MAP2K5: variants seen among roughly 807,000 people sequenced by gnomAD.
MAP2K5 encodes the protein dual specificity mitogen-activated protein kinase kinase 5.
A neutral mutation model predicts 83.1 loss-of-function variants in MAP2K5; 49 were observed. That is an observed-to-expected ratio of 0.59 (90% CI 0.47 to 0.75). The LOEUF (loss-of-function observed/expected upper bound fraction) is 0.75. Among genes scored for constraint, MAP2K5 ranks in the 30% least tolerant of loss-of-function variants. MAP2K5 has a pLI of 0.00. For missense variants in MAP2K5, 457 were observed against 557.5 expected (o/e 0.82, Z 1.82); for synonymous variants, 202 against 191.8 (o/e 1.05, Z -0.44).
intron 17 of MAP2K5, among the ~76,000 whole-genome samples, chr15:67,739,434 A>ATT: frequency 1.3e-4 from 1 of 7,778 alleles, no homozygotes; most frequent in Non-Finnish European, 2.1e-4. Context: ...ATATATATAT[A>ATT]TATATATATA....
chr15:67,725,025 A>G (rs368708063), intron 16 of MAP2K5, among the ~76,000 whole-genome samples: 62 of 152,208 alleles, frequency 4.1e-4, no homozygotes, highest in African/African-American at 1.3e-3. Flanking sequence ...ACATAGTTAA[A>G]AGGTAGGACT....
intron 2 of MAP2K5, among the ~76,000 whole-genome samples, chr15:67,553,590 A>C (rs939671588): frequency 1.3e-5 from 2 of 152,214 alleles, no homozygotes; most frequent in African/African-American, 4.8e-5. Flanking sequence ...TGAACCAGAA[A>C]TCCGAACCAA....
chr15:67,649,154 T>TTA (rs1348221774), intron 11 of MAP2K5, among the ~76,000 whole-genome samples: 1 of 152,228 alleles, frequency 6.6e-6, no homozygotes, highest in East Asian at 1.9e-4. Context: ...GTTGAGCATC[T>TTA]TTTCATGTGC....
At chr15:67,576,406 A>G (rs1567283962) in intron 3 of MAP2K5, among the ~76,000 whole-genome samples, 1 of 148,094 alleles carries the variant, frequency 6.8e-6, no homozygotes. Flanking sequence ...CAAACAAAAC[A>G]AAGCAAAAAA....
chr15:67,685,393 G>A (rs1007701557), intron 13 of MAP2K5, among the ~76,000 whole-genome samples: 1 of 152,052 alleles, frequency 6.6e-6, no homozygotes, highest in Non-Finnish European at 1.5e-5. Flanking sequence ...GACTTTTTCA[G>A]ATGAATATGA....
At chr15:67,590,647 C>T (rs2085387583) in intron 6 of MAP2K5, among the ~76,000 whole-genome samples, 1 of 151,860 alleles carries the variant, frequency 6.6e-6, no homozygotes. Context: ...GAGATGGGGC[C>T]CTACTATGTT....
At chr15:67,737,206 G>A (rs2089360747) in intron 17 of MAP2K5, among the ~76,000 whole-genome samples, 1 of 152,202 alleles carries the variant, frequency 6.6e-6, no homozygotes, top group South Asian at 2.1e-4. Flanking sequence ...CTCTGTGCCT[G>A]CCAGGTAATT....
intron 11 of MAP2K5, among the ~76,000 whole-genome samples, chr15:67,648,574 GTTCT>G (rs1030191708): frequency 5.1e-5 from 3 of 58,920 alleles, no homozygotes; most frequent in African/African-American, 2.2e-4. Context: ...TACGTTTTCA[GTTCT>G]TTTTTTTTTT....
At chr15:67,798,288 C>A (rs1033842636) in intron 21 of MAP2K5, among the ~76,000 whole-genome samples, 12 of 152,232 alleles carry the variant, frequency 7.9e-5, no homozygotes, top group Non-Finnish European at 1.3e-4. Flanking sequence ...CCAGCATATC[C>A]CCCACTGTAC....
At chr15:67,687,570 A>C (rs1596795835) in intron 13 of MAP2K5, among the ~76,000 whole-genome samples, 1 of 152,168 alleles carries the variant, frequency 6.6e-6, no homozygotes, top group Admixed American at 6.5e-5. Context: ...TATCTGGCAC[A>C]TGGTAAGGTG....
chr15:67,584,455 C>G (rs573950485), intron 4 of MAP2K5, among the ~76,000 whole-genome samples: 4 of 152,114 alleles, frequency 2.6e-5, no homozygotes, highest in Non-Finnish European at 5.9e-5. Context: ...GACCAGACGT[C>G]AAATGCATGT....
intron 7 of MAP2K5, among the ~76,000 whole-genome samples, chr15:67,597,299 G>A (rs1388273498): frequency 6.6e-6 from 1 of 151,774 alleles, no homozygotes; most frequent in Non-Finnish European, 1.5e-5. Flanking sequence ...AACTAACATC[G>A]TAGCTAATGA....
intron 9 of MAP2K5, among the ~76,000 whole-genome samples, 156 bp downstream of exon 9, chr15:67,631,083 C>T (rs540157355): frequency 6.6e-6 from 1 of 152,276 alleles, no homozygotes; most frequent in Non-Finnish European, 1.5e-5. Flanking sequence ...CATTCAGACA[C>T]CTGAAGATCT....
intron 16 of MAP2K5, among the ~76,000 whole-genome samples, chr15:67,714,551 C>T (rs1266547219): frequency 2.0e-5 from 3 of 150,846 alleles, no homozygotes; most frequent in Admixed American, 6.6e-5. Flanking sequence ...CGAGGGGTGA[C>T]GGATGGCTCT....
rs927091821 is a variant in MAP2K5, at chr15:67,652,427, A to T, written c.736+5958A>T. On this transcript the variant is annotated intron_variant, in intron 11 of 21. Transcript: ENST00000178640. The surrounding 1 kb of genome is among the most constrained non-coding windows in gnomAD (Gnocchi z 4.2). ...ACCTGTTTCTGGTCTGGGTCTCAGG[A>T]AGCTTCCATTCGTGGAGCAAGAGAG... Among the ~76,000 whole-genome samples, 15 of 152,172 alleles carry T rather than the reference A, an allele frequency of 9.9e-5. No homozygotes were observed. The highest frequency in any genetic ancestry group is 1.6e-4 in the Non-Finnish European group (11 of 68,036).
At chr15:67,599,012 T>A (rs144255324) in intron 7 of MAP2K5, among the ~76,000 whole-genome samples, 97 of 152,356 alleles carry the variant, frequency 6.4e-4, no homozygotes, top group African/African-American at 2.2e-3. Flanking sequence ...CAATGGATAC[T>A]GCTATTTACG....
intron 16 of MAP2K5, among the ~76,000 whole-genome samples, chr15:67,707,168 G>C (rs2088576027): frequency 6.6e-6 from 1 of 152,202 alleles, no homozygotes; most frequent in African/African-American, 2.4e-5. Context: ...GCCCGTCTTG[G>C]CCTCCCAAAG....
chr15:67,695,430 T>C (rs1444158299), intron 15 of MAP2K5, among the ~76,000 whole-genome samples: 1 of 152,198 alleles, frequency 6.6e-6, no homozygotes, highest in Non-Finnish European at 1.5e-5. Context: ...CTTTCTTGTA[T>C]AATAATAGGA....
chr15:67,789,746 TTA>T (rs2090482615), intron 21 of MAP2K5, among the ~76,000 whole-genome samples: 1 of 152,200 alleles, frequency 6.6e-6, no homozygotes, highest in South Asian at 2.1e-4. Flanking sequence ...TCATTTTAAT[TTA>T]TGTTTATTTT....
Sources: allele counts gnomAD v4.1 joint callset (sites outside exome capture counted in the v4.1 genomes callset), GRCh38; gene constraint gnomAD v4.1.1; non-coding constraint Gnocchi (gnomAD v3.1); transcripts MANE v1.5; gene names NCBI Gene and HGNC (gene_info 2026-07-23, HGNC 2026-07-21).